The following ANO2 variants were observed in gnomAD, a reference collection of about 807,000 sequenced individuals.
ANO2 encodes the protein anoctamin-2.
ANO2 carries 101 observed loss-of-function variants against 124.2 expected under a neutral mutation model. The observed-to-expected ratio is 0.81, with a 90% confidence interval of 0.69 to 0.96. The LOEUF (loss-of-function observed/expected upper bound fraction) is 0.96. Among genes scored for constraint, ANO2 ranks in the 40% least tolerant of loss-of-function variants. The pLI is 0.00. For synonymous variants in ANO2, 486 were observed against 482.5 expected (o/e 1.01, Z -0.09); for missense variants, 1,293 against 1,274.5 (o/e 1.01, Z -0.22).
At chr12:5,922,873 G>A in intron 1 of ANO2, 69 bp from the exon 2 acceptor site, 1 of 1,364,198 alleles carries the variant, frequency 7.3e-7, no homozygotes, top group Middle Eastern at 1.9e-4. Flanking sequence ...CTGAGGTACT[G>A]AGTGTACTCA....
At chr12:5,883,558 G>A (rs1938664775) in intron 3 of ANO2, among the ~76,000 whole-genome samples, 1 of 149,854 alleles carries the variant, frequency 6.7e-6, no homozygotes, top group Non-Finnish European at 1.5e-5. Flanking sequence ...CTGCCCAGCT[G>A]CCAGGGTCTC....
At chr12:5,676,023 C>T (rs1948226472) in intron 14 of ANO2, among the ~76,000 whole-genome samples, 1 of 152,184 alleles carries the variant, frequency 6.6e-6, no homozygotes, top group Non-Finnish European at 1.5e-5. Flanking sequence ...TCACATCTTC[C>T]AGGCTGACAA....
chr12:5,665,523 C>T (rs1273000833), intron 14 of ANO2, among the ~76,000 whole-genome samples: 2 of 152,188 alleles, frequency 1.3e-5, no homozygotes, highest in African/African-American at 2.4e-5. Flanking sequence ...GCATAACCAA[C>T]CAGCAATGAG....
intron 4 of ANO2, among the ~76,000 whole-genome samples, chr12:5,841,437 T>C (rs1450759266): frequency 6.6e-6 from 1 of 152,252 alleles, no homozygotes; most frequent in African/African-American, 2.4e-5. Flanking sequence ...TATTTGTTTA[T>C]GGTTTTTGAT....
chr12:5,878,582 GACAA>G (rs1269712164), intron 3 of ANO2, among the ~76,000 whole-genome samples: 1 of 152,180 alleles, frequency 6.6e-6, no homozygotes, highest in African/African-American at 2.4e-5. Flanking sequence ...AAATAACATA[GACAA>G]ACATAGACAA....
chr12:5,943,277 TTGTG>T (rs138167836), intron 1 of ANO2, among the ~76,000 whole-genome samples: 54,233 of 148,178 alleles, frequency 0.37, 11,394 homozygotes, highest in East Asian at 0.74. Context: ...GAGTGTGTGT[TTGTG>T]TGTGTGTGTG....
chr12:5,901,896 T>G (rs1241659539), intron 3 of ANO2, among the ~76,000 whole-genome samples: 1 of 152,178 alleles, frequency 6.6e-6, no homozygotes, highest in East Asian at 1.9e-4. Context: ...CCATGTACAT[T>G]AGACTCCGAG....
chr12:5,646,868 G>A (rs940685862), intron 15 of ANO2, among the ~76,000 whole-genome samples: 3 of 152,120 alleles, frequency 2.0e-5, no homozygotes, highest in Non-Finnish European at 4.4e-5. Flanking sequence ...TGTAGTTAAC[G>A]GTCACGATGG....
At chr12:5,806,321 T>A (rs1953191621) in intron 8 of ANO2, among the ~76,000 whole-genome samples, 2 of 152,156 alleles carry the variant, frequency 1.3e-5, no homozygotes, top group South Asian at 4.1e-4. Context: ...TGCCCCCTCA[T>A]CCACTTCAGA....
intron 5 of ANO2, among the ~76,000 whole-genome samples, chr12:5,830,690 A>G (rs1954123751): frequency 6.6e-6 from 1 of 152,240 alleles, no homozygotes; most frequent in Admixed American, 6.5e-5. Flanking sequence ...AAGAAACTCA[A>G]CACAAGGAAA....
intron 16 of ANO2, among the ~76,000 whole-genome samples, chr12:5,629,981 T>C (rs1421630748): frequency 2.0e-5 from 3 of 152,218 alleles, no homozygotes; most frequent in Non-Finnish European, 4.4e-5. Context: ...CCACTGCTGC[T>C]AGCGGTAGAT....
At chr12:5,671,700 C>T (rs2136988162) in intron 14 of ANO2, among the ~76,000 whole-genome samples, 1 of 152,104 alleles carries the variant, frequency 6.6e-6, no homozygotes, top group East Asian at 1.9e-4. Flanking sequence ...CCCAAATAAC[C>T]CCTTGGAGGG....
intron 3 of ANO2, among the ~76,000 whole-genome samples, chr12:5,903,544 T>C (rs1432472938): frequency 1.3e-5 from 2 of 152,164 alleles, no homozygotes; most frequent in Non-Finnish European, 2.9e-5. Context: ...CTGGCTGGCA[T>C]TCTCACTGTG....
chr12:5,589,766 AG>A (rs1943303756), intron 20 of ANO2, among the ~76,000 whole-genome samples: 1 of 152,168 alleles, frequency 6.6e-6, no homozygotes. Context: ...GAGAAGGCGC[AG>A]GCAAGCCCAG....
At chr12:5,687,472 T>C (rs984473635) in intron 14 of ANO2, among the ~76,000 whole-genome samples, 1 of 152,250 alleles carries the variant, frequency 6.6e-6, no homozygotes, top group East Asian at 1.9e-4. Flanking sequence ...TGCAATTTCC[T>C]TGCTTAAGAA....
At chr12:5,578,264 G>A (rs1942535303) in intron 21 of ANO2, 102 bp downstream of exon 21, 1 of 1,477,768 alleles carries the variant, frequency 6.8e-7, no homozygotes, top group Non-Finnish European at 9.2e-7. Flanking sequence ...GGGAAGAGGG[G>A]CTTTCCCAGC....
At chr12:5,666,358 C>T (rs182214583) in intron 14 of ANO2, among the ~76,000 whole-genome samples, 158 of 152,224 alleles carry the variant, frequency 1.0e-3, no homozygotes, top group Admixed American at 3.7e-3. Flanking sequence ...AGGGAAGGAA[C>T]GAGAGCCTCA....
chr12:5,563,590 G>A (rs1012459294), intron 24 of ANO2, 22 bp from the exon 25 acceptor site: 2 of 1,611,982 alleles, frequency 1.2e-6, no homozygotes, highest in Non-Finnish European at 1.7e-6. Flanking sequence ...CAAGGAGAGA[G>A]GGGCTGAGTT....
intron 16 of ANO2, among the ~76,000 whole-genome samples, chr12:5,624,726 G>A (rs1361252186): frequency 6.6e-6 from 1 of 152,174 alleles, no homozygotes; most frequent in African/African-American, 2.4e-5. Context: ...GGAGCTCCCA[G>A]TCTAGAAGGG....
Sources: gnomAD v4.1 joint callset for allele counts (sites outside exome capture counted in the v4.1 genomes callset) on GRCh38, gnomAD v4.1.1 for gene constraint, MANE v1.5 for transcripts, NCBI Gene and HGNC (gene_info 2026-07-23, HGNC 2026-07-21) for gene names.